Variants in BHMT2 observed in about 807,000 individuals in gnomAD.
BHMT2 encodes the protein betaine--homocysteine S-methyltransferase 2.
A neutral mutation model predicts 39.0 loss-of-function variants in BHMT2; 28 were observed. The observed-to-expected ratio is 0.72, with a 90% CI of 0.53 to 0.98. The LOEUF (loss-of-function observed/expected upper bound fraction) is 0.98, where lower values mean the gene tolerates loss of function less well. Among genes scored for constraint, BHMT2 ranks in the 50% least tolerant of loss-of-function variants. BHMT2 has a pLI of 0.00. For missense variants in BHMT2, 410 were observed against 455.6 expected, an observed-to-expected ratio of 0.90 and a Z score of 0.91; for synonymous variants, 145 against 160.6, an observed-to-expected ratio of 0.90 and a Z score of 0.74.
Position 79,083,278 on chromosome 5 carries a change from G to T in BHMT2, c.685G>T (p.Ala229Ser), listed in dbSNP as rs752522988. 3 of 1,614,164 alleles carry T rather than the reference G, an allele frequency of 1.9e-6. No individual in the cohort carries two copies. The highest frequency in any genetic ancestry group is 1.7e-6 in the Non-Finnish European group (2 of 1,180,012). Residue 229 changes from alanine (A) to serine (S), a missense_variant, in exon 6 of 8, where the codon GCA becomes TCA. Ala to Ser is a moderately conservative substitution (Grantham distance 99). Transcript: ENST00000255192. ...GCTCATGAAGGAGGGTCTTGAGTGG[G>T]CAGGGCTGAAAGCGCACCTCATGGT... ...MELMKEGLEWAGLKAHLMVQP... is the reference protein window; with the variant it reads ...MELMKEGLEWSGLKAHLMVQP...
At chr5:79,080,931 CAG>C (rs1341706111) in intron 4 of BHMT2, 53 bp downstream of exon 4, 1 of 1,457,846 alleles carries the variant, frequency 6.9e-7, no homozygotes, top group Non-Finnish European at 9.2e-7. Flanking sequence ...AGCATAACTG[CAG>C]AGTCTTCACA....
In BHMT2 at chr5:79,077,517, T is replaced by C. The variant is rs1400202076; in HGVS notation, c.71T>C (p.Ile24Thr). The C allele has an allele frequency of 8.1e-6, 13 of 1,613,726 alleles. No homozygotes were observed. Among genetic ancestry groups the C allele is most frequent in the East Asian group, 2.2e-5 (1 of 44,858 alleles). The change falls in exon 2 of 8, where the codon ATT (isoleucine) becomes ACT (threonine). Residue 24 changes from isoleucine (I) to threonine (T), a missense_variant. Transcript: ENST00000255192. ...LERLESGEVVIGDGSFLITLE... is the reference protein window; with the variant it reads ...LERLESGEVVTGDGSFLITLE... ...CGCCTGGAGAGTGGGGAGGTTGTGA[T>C]TGGAGATGGCAGCTTTCTCATTACT...
intron 3 of BHMT2, among the ~76,000 whole-genome samples, chr5:79,080,279 G>A (rs184691253): frequency 8.5e-5 from 13 of 152,322 alleles, no homozygotes; most frequent in Admixed American, 1.3e-4. Context: ...TAAGACCAAG[G>A]ATGTGAAAGT....
At chr5:79,081,525 C>A (rs1483899093) in intron 4 of BHMT2, among the ~76,000 whole-genome samples, 1 of 152,154 alleles carries the variant, frequency 6.6e-6, no homozygotes, top group Non-Finnish European at 1.5e-5. Flanking sequence ...CTGCTACTGC[C>A]TGGGGTCATG....
In BHMT2 at chr5:79,082,938, G is replaced by A; in HGVS notation, c.580G>A (p.Val194Met). Residue 194 changes from valine (V) to methionine (M), a missense_variant, in exon 5 of 8, where the codon GTG becomes ATG. Val to Met is a conservative substitution (Grantham distance 21). Transcript: ENST00000255192. The part of the protein sequence containing the change: ...MHDITPGECA[V>M]RLVKAGASIV... Reference sequence around the variant, plus strand: ...TGATATAACCCCCGGAGAATGTGCTGTGAGGCTGGTGAAGGCAGGTAATTT... The same window carrying A: ...TGATATAACCCCCGGAGAATGTGCTATGAGGCTGGTGAAGGCAGGTAATTT... The A allele has an allele frequency of 1.2e-6, 2 of 1,614,152 alleles. No individual in the cohort carries two copies. The highest frequency in any genetic ancestry group is 1.7e-6 in the Non-Finnish European group (2 of 1,180,030).
At chr5:79,070,579 C>T (rs1755545839) in intron 1 of BHMT2, among the ~76,000 whole-genome samples, 3 of 152,066 alleles carry the variant, frequency 2.0e-5, no homozygotes, top group Admixed American at 2.0e-4. Flanking sequence ...CAGAGACCCC[C>T]ACCCGCTCCA....
At chr5:79,077,704 C>CA in intron 2 of BHMT2, 92 bp downstream of exon 2, 1 of 1,466,746 alleles carries the variant, frequency 6.8e-7, no homozygotes, top group Admixed American at 2.0e-5. Flanking sequence ...ACAACTGTTT[C>CA]AAAGGGGTGT....
At chr5:79,079,602 A>G (rs1755744620) in intron 3 of BHMT2, 142 bp downstream of exon 3, 1 of 650,462 alleles carries the variant, frequency 1.5e-6, no homozygotes, top group Non-Finnish European at 2.6e-6. Context: ...ACGTGAAGAT[A>G]TATACTAAAT....
At chr5:79,076,263 G>A (rs1755668786) in intron 1 of BHMT2, among the ~76,000 whole-genome samples, 1 of 152,116 alleles carries the variant, frequency 6.6e-6, no homozygotes, top group Non-Finnish European at 1.5e-5. Context: ...TTCTGCCACC[G>A]ATGGCCTGCC....
chr5:79,071,541 C>T (rs1262686140), intron 1 of BHMT2, among the ~76,000 whole-genome samples: 1 of 152,194 alleles, frequency 6.6e-6, no homozygotes, highest in African/African-American at 2.4e-5. Flanking sequence ...TATAAATGTA[C>T]TGCAAAATTA....
In BHMT2 at chr5:79,083,253, G is replaced by A; in HGVS notation, c.660G>A (p.Glu220=). Residue 220 remains glutamate, a synonymous_variant, in exon 6 of 8, where the codon GAG becomes GAA. Coordinates refer to ENST00000255192, the MANE Select transcript of BHMT2 (RefSeq NM_017614.5). ...CCGACACCAGCTTGAAGACGATGGA[G>A]CTCATGAAGGAGGGTCTTGAGTGGG... is the stretch of plus-strand genomic sequence containing the variant. The part of the protein sequence containing the change: ...FGPDTSLKTM[E]LMKEGLEWAG... The A allele has an allele frequency of 6.2e-7, 1 of 1,614,188 alleles. No homozygotes were observed. The highest frequency in any genetic ancestry group is 1.1e-5 in the South Asian group (1 of 91,086).
Position 79,088,637 on chromosome 5 carries a change from G to A in BHMT2, c.*63G>A, listed in dbSNP as rs1755955824. The A allele has an allele frequency of 3.6e-6, 5 of 1,384,760 alleles. No individual in the cohort carries two copies. In the East Asian group the frequency reaches 6.9e-5, roughly 19 times the overall value. 85.8% of individuals were successfully genotyped at this position (1,384,760 alleles called of 1,614,324 possible). On this transcript the variant is annotated 3_prime_UTR_variant, in exon 8 of 8. Coordinates refer to ENST00000255192, the MANE Select transcript of BHMT2 (RefSeq NM_017614.5). ...AAAAAGTTGCCCTCAAGCCTGACCT[G>A]GAACCGTTCCTCACCTTCATCCTCA... is the stretch of plus-strand genomic sequence containing the variant.
chr5:79,076,955 G>T (rs1258206163), intron 1 of BHMT2, among the ~76,000 whole-genome samples: 1 of 152,234 alleles, frequency 6.6e-6, no homozygotes, highest in East Asian at 1.9e-4. Context: ...TTCCAGCCAG[G>T]AAGGAGGAAA....
At chr5:79,073,610 A>G (rs369079785) in intron 1 of BHMT2, among the ~76,000 whole-genome samples, 1 of 152,342 alleles carries the variant, frequency 6.6e-6, no homozygotes, top group African/African-American at 2.4e-5. Context: ...CAGGGAGGAG[A>G]AAGAAAGAGA....
At chr5:79,080,058 C>A (rs1328163956) in intron 3 of BHMT2, among the ~76,000 whole-genome samples, 1 of 152,172 alleles carries the variant, frequency 6.6e-6, no homozygotes, top group African/African-American at 2.4e-5. Flanking sequence ...TTCACCTTCT[C>A]ATTTCACACT....
In BHMT2 at chr5:79,077,596, A is replaced by G; in HGVS notation, c.150A>G (p.Ile50Met). Residue 50 changes from isoleucine (I) to methionine (M), a missense_variant, in exon 2 of 8, where the codon ATA becomes ATG. Transcript: ENST00000255192. ...KAGLWTPEAV[I>M]EHPDAVRQLH... The stretch of plus-strand genomic sequence containing the variant: ...GGCTCTGGACTCCAGAGGCAGTGAT[A>G]GAACACCCAGACGCAGGTTGGTGTC... 1 of 1,613,920 alleles carries G rather than the reference A, an allele frequency of 6.2e-7. No homozygotes were observed.
At chr5:79,083,937 T>C (rs1467327917) in intron 7 of BHMT2, 81 bp downstream of exon 7, 1 of 1,490,140 alleles carries the variant, frequency 6.7e-7, no homozygotes, top group African/African-American at 1.4e-5. Context: ...TGCATGCACA[T>C]GACAAAAAGT....
At chr5:79,074,695 A>G (rs1010243737) in intron 1 of BHMT2, among the ~76,000 whole-genome samples, 1 of 152,154 alleles carries the variant, frequency 6.6e-6, no homozygotes, top group Non-Finnish European at 1.5e-5. Context: ...CAGACACTAG[A>G]ACAGAAGCAG....
chr5:79,069,943 T>C, intron 1 of BHMT2, 128 bp downstream of exon 1: 2 of 1,022,096 alleles, frequency 2.0e-6, no homozygotes, highest in Non-Finnish European at 2.6e-6. Context: ...GGGATGGCCC[T>C]GAGCCTCAAT....
Sources: allele counts gnomAD v4.1 joint callset (sites outside exome capture counted in the v4.1 genomes callset), GRCh38; gene constraint gnomAD v4.1.1; transcripts MANE v1.5; gene names NCBI Gene and HGNC (gene_info 2026-07-23, HGNC 2026-07-21).